The following MCTP2 variants were observed in gnomAD, a reference collection of about 807,000 sequenced individuals.
MCTP2 encodes multiple C2 and transmembrane domain containing 2.
In MCTP2, 132 loss-of-function variants were observed where a neutral mutation model predicts 111.6. That is an observed-to-expected ratio of 1.18 (90% CI 1.03 to 1.37). The LOEUF is 1.37. MCTP2 is among the 40% of genes most tolerant of loss of function. MCTP2 has a pLI of 0.00. For missense variants in MCTP2, 1,183 were observed against 1,067.9 expected (o/e 1.11, Z -1.50); for synonymous variants, 395 against 387.7 (o/e 1.02, Z -0.22).
intron 1 of MCTP2, among the ~76,000 whole-genome samples, chr15:94,278,799 C>T (rs1428174373): frequency 6.6e-6 from 1 of 152,070 alleles, no homozygotes; most frequent in African/African-American, 2.4e-5. Flanking sequence ...TGTTTAGCTC[C>T]TATTTATAAG....
intron 17 of MCTP2, among the ~76,000 whole-genome samples, chr15:94,438,401 T>C (rs2083594097): frequency 6.6e-6 from 1 of 152,060 alleles, no homozygotes; most frequent in African/African-American, 2.4e-5. Context: ...ATGAGAGGAA[T>C]AGGACTGAGG....
intron 1 of MCTP2, among the ~76,000 whole-genome samples, chr15:94,252,761 A>ACCAG (rs1342178842): frequency 1.3e-5 from 2 of 152,144 alleles, no homozygotes; most frequent in Admixed American, 6.5e-5. Flanking sequence ...AGGTAGGGTT[A>ACCAG]CCAGCCATCA....
intron 1 of MCTP2, among the ~76,000 whole-genome samples, chr15:94,294,941 C>CTTTTTTTTTTTT (rs71133001): frequency 2.7e-5 from 2 of 73,992 alleles, no homozygotes; most frequent in African/African-American, 5.7e-5. Context: ...TTTTCTTTTC[C>CTTTTTTTTTTTT]TTTTTTTTTT....
chr15:94,469,372 T>TAG (rs1180773596), intron 20 of MCTP2, among the ~76,000 whole-genome samples: 1 of 152,166 alleles, frequency 6.6e-6, no homozygotes, highest in Non-Finnish European at 1.5e-5. Context: ...AAGCAGGCAA[T>TAG]AGATACAACA....
intron 17 of MCTP2, among the ~76,000 whole-genome samples, chr15:94,426,552 T>G (rs867469179): frequency 6.6e-6 from 1 of 152,280 alleles, no homozygotes; most frequent in Middle Eastern, 3.4e-3. Flanking sequence ...GGTGTTTATT[T>G]GACTCTTACA....
Position 94,399,979 on chromosome 15 carries a change from G to T in MCTP2, c.1949G>T (p.Arg650Leu), listed in dbSNP as rs137927917. Reference sequence around the variant, plus strand: ...GAAAAGCGCTTTGTTGAAGACAGCCGCAAGCTGTCCAAAAAGGTGGGTCGC... The same window carrying T: ...GAAAAGCGCTTTGTTGAAGACAGCCTCAAGCTGTCCAAAAAGGTGGGTCGC... ...PREKRFVEDS[R>L]KLSKKILSRD... is the part of the protein sequence containing the mutation. Residue 650 changes from arginine to leucine, a missense_variant, in exon 16 of 23, where the codon CGC becomes CTC. Physicochemically the swap from Arg to Leu is moderately radical, Grantham distance 102 (BLOSUM62 -2). Transcript: ENST00000357742. The T allele has an allele frequency of 2.1e-5, 34 of 1,613,748 alleles. No individual in the cohort carries two copies. The highest frequency in any genetic ancestry group is 5.0e-5 in the Admixed American group (3 of 59,984).
At chr15:94,360,837 T>C (rs1460127216) in intron 10 of MCTP2, among the ~76,000 whole-genome samples, 1 of 146,980 alleles carries the variant, frequency 6.8e-6, no homozygotes, top group African/African-American at 2.5e-5. Flanking sequence ...TCTTCCTCTT[T>C]ATGAATTTTA....
At chr15:94,240,813 A>G (rs964403922) in intron 1 of MCTP2, among the ~76,000 whole-genome samples, 6 of 152,050 alleles carry the variant, frequency 3.9e-5, no homozygotes, top group African/African-American at 1.4e-4. Context: ...ATATTACTAC[A>G]CTTAATTCCT....
intron 1 of MCTP2, among the ~76,000 whole-genome samples, chr15:94,284,208 T>G (rs922242776): frequency 2.0e-5 from 3 of 152,204 alleles, no homozygotes; most frequent in African/African-American, 4.8e-5. Flanking sequence ...TTGTGGAATA[T>G]TTTGTATATC....
intron 4 of MCTP2, among the ~76,000 whole-genome samples, chr15:94,337,843 C>T (rs938686842): frequency 1.3e-5 from 2 of 152,106 alleles, no homozygotes. Flanking sequence ...GCTTGCAGTA[C>T]TGGAAGGCTG....
intron 1 of MCTP2, among the ~76,000 whole-genome samples, chr15:94,255,482 A>T (rs2072705664): frequency 9.2e-6 from 1 of 109,152 alleles, no homozygotes; most frequent in Non-Finnish European, 2.0e-5. Context: ...CATAGCACTT[A>T]TGACTGACAT....
At chr15:94,463,459 C>T (rs964869296) in intron 20 of MCTP2, among the ~76,000 whole-genome samples, 4 of 152,080 alleles carry the variant, frequency 2.6e-5, no homozygotes, top group East Asian at 1.9e-4. Flanking sequence ...TTTCTAATAA[C>T]CAGGTAAACT....
intron 20 of MCTP2, among the ~76,000 whole-genome samples, chr15:94,465,470 G>A: frequency 6.6e-6 from 1 of 152,136 alleles, no homozygotes; most frequent in Non-Finnish European, 1.5e-5. Flanking sequence ...TTATGTGAAT[G>A]TGGTGTTCCC....
At chr15:94,459,484 A>G (rs2085054393) in intron 20 of MCTP2, among the ~76,000 whole-genome samples, 1 of 152,154 alleles carries the variant, frequency 6.6e-6, no homozygotes, top group Non-Finnish European at 1.5e-5. Flanking sequence ...TAAGTTATAA[A>G]TGACTTTTAA....
chr15:94,301,552 A>T lies in MCTP2; in HGVS notation c.465+2822A>T, dbSNP rs189333293. On this transcript the variant is annotated intron_variant, in intron 2 of 22. Transcript: ENST00000357742. ...GGAGACACCTTTGTCTTTGTTTTCT[A>T]AGCGTCTAGCTTCATGCCTTGCGCA... Among the ~76,000 whole-genome samples the T allele has an allele frequency of 5.3e-5, 8 of 152,298 alleles. No individual in the cohort carries two copies. The East Asian group carries it at 1.5e-3, about 29-fold the overall frequency.
chr15:94,315,588 C>A lies in MCTP2; in HGVS notation c.588C>A (p.Leu196=). The A allele has an allele frequency of 6.2e-7, 1 of 1,614,174 alleles. No homozygotes were observed. The highest frequency in any genetic ancestry group is 8.5e-7 in the Non-Finnish European group (1 of 1,180,020). The part of the protein sequence containing the change: ...SNLPSPFAYL[L]TIHLKEGRNL... ...TCCCCAGCCCTTTTGCGTACCTCCTCACCATACACCTGAAGGAAGGCCGGA... is the reference window on the plus strand; with the variant it reads ...TCCCCAGCCCTTTTGCGTACCTCCTAACCATACACCTGAAGGAAGGCCGGA... Residue 196 remains leucine (L), a synonymous_variant, in exon 4 of 23, where the codon CTC becomes CTA. Coordinates refer to ENST00000357742, the MANE Select transcript of MCTP2 (RefSeq NM_001385001.1).
chr15:94,268,944 A>G (rs1260609305), intron 1 of MCTP2, among the ~76,000 whole-genome samples: 2 of 152,198 alleles, frequency 1.3e-5, no homozygotes, highest in African/African-American at 4.8e-5. Flanking sequence ...GATTGATGGA[A>G]TACTTTAATA....
upstream of MCTP2, among the ~76,000 whole-genome samples, chr15:94,231,377 C>G (rs1235185302): frequency 6.6e-6 from 1 of 152,252 alleles, no homozygotes; most frequent in East Asian, 1.9e-4. Flanking sequence ...GTGCCCAGCA[C>G]CAAGCATAGC....
At chr15:94,436,149 G>A (rs1409498548) in intron 17 of MCTP2, among the ~76,000 whole-genome samples, 1 of 152,092 alleles carries the variant, frequency 6.6e-6, no homozygotes, top group Non-Finnish European at 1.5e-5. Context: ...CTCTGCAGTG[G>A]CTCTGGTTGT....
Sources: allele counts gnomAD v4.1 joint callset (sites outside exome capture counted in the v4.1 genomes callset), GRCh38; gene constraint gnomAD v4.1.1; transcripts MANE v1.5; gene names NCBI Gene and HGNC (gene_info 2026-07-23, HGNC 2026-07-21).